RHOBTB3: variants seen among roughly 807,000 people sequenced by gnomAD.
The protein encoded by RHOBTB3 is Rho related BTB domain containing 3, also known as rho-related BTB domain-containing protein 3.
Under a neutral mutation model 67.2 loss-of-function variants are expected in RHOBTB3, and 47 were observed. The observed-to-expected ratio is 0.70, with a 90% confidence interval of 0.55 to 0.89. RHOBTB3 has a LOEUF of 0.89. RHOBTB3 is among the 40% of genes least tolerant of loss of function. RHOBTB3 has a pLI of 0.00. For missense variants in RHOBTB3, 631 were observed against 750.0 expected (o/e 0.84, Z 1.85); for synonymous variants, 273 against 274.2 (o/e 1.00, Z 0.04).
At chr5:95,749,168 A>G (rs1745013499) in intron 4 of RHOBTB3, among the ~76,000 whole-genome samples, 1 of 152,254 alleles carries the variant, frequency 6.6e-6, no homozygotes, top group Non-Finnish European at 1.5e-5. Context: ...CTACATTTCC[A>G]AACCTCTAAG....
chr5:95,767,111 T>C (rs1490215764), intron 7 of RHOBTB3, among the ~76,000 whole-genome samples: 3 of 151,962 alleles, frequency 2.0e-5, no homozygotes, highest in Admixed American at 2.0e-4. Context: ...CTCGGGAGGC[T>C]GAGGCACGAG....
chr5:95,762,624 G>A (rs1745425745), intron 6 of RHOBTB3, among the ~76,000 whole-genome samples: 1 of 152,158 alleles, frequency 6.6e-6, no homozygotes, highest in African/African-American at 2.4e-5. Context: ...ATATTTTTAT[G>A]AGATAGGACC....
intron 5 of RHOBTB3, among the ~76,000 whole-genome samples, chr5:95,752,855 G>A (rs1984965): frequency 0.043 from 6,528 of 152,222 alleles, 204 homozygotes; most frequent in South Asian, 0.14. Context: ...TAGAGTCCCG[G>A]GCGCGGTGGC....
chr5:95,783,983 T>C lies in RHOBTB3; in HGVS notation c.1623+20T>C. ...GCCAAGGTAATTGACTCTGTGTATC[T>C]GATAGCCTAGTTTTTTATAAAATAT... is the stretch of plus-strand genomic sequence containing the variant. On this transcript the variant is annotated intron_variant, in intron 10 of 11. Transcript: ENST00000379982. The C allele has an allele frequency of 6.5e-7, 1 of 1,544,144 alleles. No individual in the cohort carries two copies.
At chr5:95,784,393 T>C (rs1371497686) in intron 10 of RHOBTB3, among the ~76,000 whole-genome samples, 1 of 152,244 alleles carries the variant, frequency 6.6e-6, no homozygotes, top group Non-Finnish European at 1.5e-5. Context: ...TTCTTCATTT[T>C]TTCATCCATA....
intron 3 of RHOBTB3, 31 bp from the exon 4 acceptor site, chr5:95,748,301 GA>G: frequency 6.5e-7 from 1 of 1,537,416 alleles, no homozygotes; most frequent in East Asian, 2.3e-5. Context: ...GTTTAATTTC[GA>G]AACTCTTTGT....
intron 3 of RHOBTB3, among the ~76,000 whole-genome samples, chr5:95,745,314 G>T (rs1402598492): frequency 6.6e-6 from 1 of 151,972 alleles, no homozygotes; most frequent in Non-Finnish European, 1.5e-5. Context: ...ACACATTTTT[G>T]ACAACTTTGA....
At chr5:95,770,076 T>C (rs1051011409) in intron 8 of RHOBTB3, 28 of 312,920 alleles carry the variant, frequency 8.9e-5, no homozygotes, top group South Asian at 7.9e-4. Context: ...GGTGATGCTA[T>C]GCTCTTTAAA....
intron 2 of RHOBTB3, among the ~76,000 whole-genome samples, chr5:95,734,358 C>T (rs1018810315): frequency 1.3e-4 from 20 of 151,982 alleles, no homozygotes; most frequent in Non-Finnish European, 8.8e-5. Flanking sequence ...TGCATAACCC[C>T]GAGAGGAAAC....
chr5:95,727,667 G>C (rs750343414), upstream of RHOBTB3, among the ~76,000 whole-genome samples: 5 of 152,104 alleles, frequency 3.3e-5, no homozygotes, highest in Non-Finnish European at 7.4e-5. Flanking sequence ...GTGCTGATGA[G>C]AGAAACTGCA....
chr5:95,786,658 A>C (rs1388078560), intron 10 of RHOBTB3, among the ~76,000 whole-genome samples: 1 of 152,198 alleles, frequency 6.6e-6, no homozygotes, highest in Admixed American at 6.5e-5. Flanking sequence ...ATATTTGGCT[A>C]TCTGAGGCAC....
rs1745219879 is a variant in RHOBTB3, at chr5:95,755,570, A to G, written c.857A>G (p.Asn286Ser). 3.7e-6 allele frequency: 6 copies of G among 1,614,006 alleles called. No individual in the cohort carries two copies. The highest frequency in any genetic ancestry group is 5.1e-6 in the Non-Finnish European group (6 of 1,180,014). Residue 286 changes from asparagine (N) to serine (S), a missense_variant, in exon 6 of 12, where the codon AAT becomes AGT. Physicochemically the swap from Asn to Ser is conservative, Grantham distance 46 (BLOSUM62 1). Coordinates refer to ENST00000379982, the MANE Select transcript of RHOBTB3 (RefSeq NM_014899.4). ...AGCCATGTTTTCATGCTGCTTTTCA[A>G]TGTGAAGAGTCCCACTGACATTCAG... ...AVSHVFMLLF[N>S]VKSPTDIQDS...
At chr5:95,784,005 A>G (rs1187106568) in intron 10 of RHOBTB3, 42 bp downstream of exon 10, 2 of 1,440,310 alleles carry the variant, frequency 1.4e-6, no homozygotes, top group Admixed American at 4.4e-5. Context: ...TTTTTATAAA[A>G]TATTTTTCAA....
At chr5:95,742,293 A>G (rs1023412892) in intron 3 of RHOBTB3, among the ~76,000 whole-genome samples, 18 of 152,218 alleles carry the variant, frequency 1.2e-4, no homozygotes, top group African/African-American at 3.9e-4. Flanking sequence ...TCTCATTTCA[A>G]TAACTTTTTC....
chr5:95,748,192 T>A (rs1338031861), intron 3 of RHOBTB3, 141 bp from the exon 4 acceptor site: 1 of 447,104 alleles, frequency 2.2e-6, no homozygotes, highest in South Asian at 5.7e-5. Flanking sequence ...TATTCAGAGT[T>A]TAGTGGGTAG....
At chr5:95,784,802 A>T (rs1252094740) in intron 10 of RHOBTB3, among the ~76,000 whole-genome samples, 3 of 152,224 alleles carry the variant, frequency 2.0e-5, no homozygotes, top group Non-Finnish European at 2.9e-5. Flanking sequence ...CAGAAAGCTT[A>T]TTCAGATGGG....
At chr5:95,788,932 A>T (rs1265851879) in intron 11 of RHOBTB3, 74 bp downstream of exon 11, 1 of 923,286 alleles carries the variant, frequency 1.1e-6, no homozygotes, top group Non-Finnish European at 1.6e-6. Context: ...TAAGTTGTAG[A>T]AGTAGTACTT....
Position 95,747,382 on chromosome 5 carries a change from T to G in RHOBTB3, c.416-951T>G, listed in dbSNP as rs371907619. ...TCCCAAGATCACTCCCCAATTAACCTTCTCCACACCACTCTTCATCTTAGA... is the reference window on the plus strand; with the variant it reads ...TCCCAAGATCACTCCCCAATTAACCGTCTCCACACCACTCTTCATCTTAGA... On this transcript the variant is annotated intron_variant, in intron 3 of 11. Transcript: ENST00000379982. Among the ~76,000 whole-genome samples, 8 of 152,284 alleles carry G rather than the reference T, an allele frequency of 5.3e-5. No homozygotes were observed. In the East Asian group the frequency reaches 5.8e-4, roughly 11 times the overall value.
upstream of RHOBTB3, chr5:95,731,258 G>A (rs1755229798): frequency 2.0e-6 from 2 of 1,005,896 alleles, no homozygotes; most frequent in Non-Finnish European, 2.4e-6. Flanking sequence ...TGCTGCGCCC[G>A]GTCCGCTGAG....
Sources: gnomAD v4.1 joint callset for allele counts (sites outside exome capture counted in the v4.1 genomes callset) on GRCh38, gnomAD v4.1.1 for gene constraint, MANE v1.5 for transcripts, NCBI Gene and HGNC (gene_info 2026-07-23, HGNC 2026-07-21) for gene names.